FBXO10: variants seen among roughly 807,000 people sequenced by gnomAD.
The protein encoded by FBXO10 is F-box protein 10, also known as F-box only protein 10.
A neutral mutation model predicts 80.7 loss-of-function variants in FBXO10; 39 were observed. The ratio of observed to expected loss-of-function variants is 0.48; its 90% confidence interval spans 0.37 to 0.63. The LOEUF is 0.63. Ranked by LOEUF, FBXO10 falls within the 30% of genes least tolerant of loss-of-function variation. The pLI is 0.00. For synonymous variants in FBXO10, 449 were observed against 489.6 expected, an observed-to-expected ratio of 0.92 and a Z score of 1.09; for missense variants, 1,025 against 1,269.0, an observed-to-expected ratio of 0.81 and a Z score of 2.92.
At chr9:37,519,315 C>T (rs956288740) in intron 8 of FBXO10, among the ~76,000 whole-genome samples, 2 of 152,276 alleles carry the variant, frequency 1.3e-5, no homozygotes, top group African/African-American at 2.4e-5. Context: ...GGAAAACTGA[C>T]GCTTGCGGTT....
In FBXO10 at chr9:37,518,256, G is replaced by C. The variant is rs574814970; in HGVS notation, c.2383C>G (p.Arg795Gly). 6.2e-7 allele frequency: 1 copy of C among 1,614,026 alleles called. No homozygotes were observed. The highest frequency in any genetic ancestry group is 8.5e-7 in the Non-Finnish European group (1 of 1,179,900). The change falls in exon 9 of 11, where the codon CGG becomes GGG. Residue 795 changes from arginine to glycine, a missense_variant. By Grantham distance (125) the Arg-to-Gly change is moderately radical. Around this residue, in one of 3 missense-constraint regions of FBXO10, gnomAD observed 478 missense variants for 667.8 expected, o/e 0.72. Coordinates refer to ENST00000432825, the MANE Select transcript of FBXO10 (RefSeq NM_012166.3). The stretch of plus-strand genomic sequence containing the variant: ...CTGTTGTCATAGATACCATTGCCCC[G>C]GAGCTCCACTTTGCACTGGGCCTCA... ...KVEAQCKVELRGNGIYDNRGH... is the reference protein window; with the variant it reads ...KVEAQCKVELGGNGIYDNRGH...
In FBXO10 at chr9:37,521,579, A is replaced by T; in HGVS notation, c.2190T>A (p.Asn730Lys). 1 of 1,610,972 alleles carries T rather than the reference A, an allele frequency of 6.2e-7. No homozygotes were observed. Among genetic ancestry groups the T allele is most frequent in the South Asian group, 1.1e-5 (1 of 90,400 alleles). Residue 730 changes from asparagine to lysine, a missense_variant, in exon 8 of 11, where the codon AAT (asparagine) becomes AAA (lysine). Asn to Lys is a moderately conservative substitution (Grantham distance 94). Coordinates refer to ENST00000432825, the MANE Select transcript of FBXO10 (RefSeq NM_012166.3). The stretch of plus-strand genomic sequence containing the variant: ...AGGGGGTATACTCACCTCCATTGTG[A>T]TTAATACTGTTAGACTCAACAAGAG... ...TIALVESNSI[N>K]HNGASGLYVQ...
intron 1 of FBXO10, among the ~76,000 whole-genome samples, chr9:37,563,985 C>T (rs1039970152): frequency 6.6e-6 from 1 of 152,234 alleles, no homozygotes; most frequent in African/African-American, 2.4e-5. Context: ...GCAGCCCCTC[C>T]CATCACAGGC....
At chr9:37,542,198 G>T (rs1224228813) in intron 1 of FBXO10, among the ~76,000 whole-genome samples, 2 of 152,174 alleles carry the variant, frequency 1.3e-5, no homozygotes, top group African/African-American at 4.8e-5. Flanking sequence ...ACAAGGCTCA[G>T]CCAGTCAGAG....
At chr9:37,546,178 A>T (rs992010827) in intron 1 of FBXO10, among the ~76,000 whole-genome samples, 1 of 151,914 alleles carries the variant, frequency 6.6e-6, no homozygotes, top group African/African-American at 2.4e-5. Context: ...GAAAGAAAGG[A>T]AACATAGGAG....
chr9:37,516,988 G>GTA lies in FBXO10; in HGVS notation c.2515-905_2515-904dup, dbSNP rs536043515. ...AAAAAAAAAAAACAAAAAAAAGGTGGTATATATATACCACAGAATACTACT... is the reference window on the plus strand; with the variant it reads ...AAAAAAAAAAAACAAAAAAAAGGTGGTATATATATATACCACAGAATACTACT... On this transcript the variant is annotated intron_variant, in intron 9 of 10. Transcript: ENST00000432825. Among the ~76,000 whole-genome samples the GTA allele has an allele frequency of 3.9e-4, 59 of 151,518 alleles. No individual in the cohort carries two copies. The East Asian group carries it at 0.011, about 27-fold the overall frequency.
chr9:37,553,689 A>G (rs1195556418), intron 1 of FBXO10, among the ~76,000 whole-genome samples: 1 of 151,042 alleles, frequency 6.6e-6, no homozygotes, highest in African/African-American at 2.4e-5. Flanking sequence ...GCAGATCACC[A>G]GAGGTCGGGA....
At chr9:37,563,661 CA>C in intron 1 of FBXO10, among the ~76,000 whole-genome samples, 1 of 152,336 alleles carries the variant, frequency 6.6e-6, no homozygotes, top group South Asian at 2.1e-4. Flanking sequence ...AAGAGACTCA[CA>C]GCATTTTGTC....
intron 8 of FBXO10, among the ~76,000 whole-genome samples, chr9:37,520,313 CTTT>C (rs11309075): frequency 1.8e-5 from 2 of 110,940 alleles, no homozygotes; most frequent in African/African-American, 3.6e-5. Context: ...CTTCTACCAT[CTTT>C]TTTTTTTTTT....
rs1210135984 is a variant in FBXO10 at position 37,512,708 on chromosome 9, G to A, written c.2710C>T (p.Arg904Cys). The A allele has an allele frequency of 1.4e-5, 22 of 1,613,546 alleles. No homozygotes were observed. Among genetic ancestry groups the A allele is most frequent in the African/African-American group, 6.7e-5 (5 of 74,930 alleles). The change falls in exon 11 of 11, where the codon CGC becomes TGC. Residue 904 changes from arginine to cysteine, a missense_variant. Arg to Cys is a radical substitution (Grantham distance 180, BLOSUM62 -3). This residue lies in a region of FBXO10 where 97 missense variants were observed against 101.8 expected (regional missense o/e 0.95). Transcript: ENST00000432825. ...LVFKKKSDTW[R>C]LVNPPARPHL... Reference sequence around the variant, plus strand: ...GGCCGTGCTGGTGGGTTCACCAGGCGCCACGTATCAGACCTGGAGGTGCAA... The same window carrying A: ...GGCCGTGCTGGTGGGTTCACCAGGCACCACGTATCAGACCTGGAGGTGCAA...
At chr9:37,552,145 C>G (rs926614321) in intron 1 of FBXO10, among the ~76,000 whole-genome samples, 4 of 152,214 alleles carry the variant, frequency 2.6e-5, no homozygotes, top group African/African-American at 4.8e-5. Flanking sequence ...CAAGGCTTCT[C>G]CTATATCCCT....
intron 3 of FBXO10, among the ~76,000 whole-genome samples, chr9:37,532,756 G>A (rs750323806): frequency 7.9e-5 from 12 of 152,238 alleles, no homozygotes; most frequent in Admixed American, 2.0e-4. Context: ...CTTAGGGGAA[G>A]ATGGGACTGA....
rs550415330 is a variant in FBXO10 at position 37,512,712 on chromosome 9, C to A, written c.2706G>T (p.Thr902=). The change falls in exon 11 of 11, where the codon ACG becomes ACT. Residue 902 remains threonine, a synonymous_variant. Coordinates refer to ENST00000432825, the MANE Select transcript of FBXO10 (RefSeq NM_012166.3). ...GTGCTGGTGGGTTCACCAGGCGCCA[C>A]GTATCAGACCTGGAGGTGCAAAACG... is the stretch of plus-strand genomic sequence containing the variant. The part of the protein sequence containing the change: ...KFLVFKKKSD[T]WRLVNPPARP... 3 of 1,613,284 alleles carry A rather than the reference C, an allele frequency of 1.9e-6. No homozygotes were observed. In the African/African-American group the frequency reaches 4.0e-5, roughly 22 times the overall value.
chr9:37,568,681 G>T (rs1822670699), intron 1 of FBXO10, among the ~76,000 whole-genome samples: 1 of 152,060 alleles, frequency 6.6e-6, no homozygotes, highest in African/African-American at 2.4e-5. Flanking sequence ...TGTGGTCTAA[G>T]GTCGGAGTTC....
In FBXO10 at chr9:37,537,137, G is replaced by C. The variant is rs1273895302; in HGVS notation, c.1392C>G (p.Tyr464Ter). 1 of 1,613,378 alleles carries C rather than the reference G, an allele frequency of 6.2e-7. No individual in the cohort carries two copies. The highest frequency in any genetic ancestry group is 1.3e-5 in the African/African-American group (1 of 75,062). The change falls in exon 3 of 11, where the codon TAC (tyrosine) becomes TAG (stop). Residue 464 changes from tyrosine (Y) to a stop codon, truncating the protein, a stop_gained. Coordinates refer to ENST00000432825, the MANE Select transcript of FBXO10 (RefSeq NM_012166.3). LOFTEE classifies it high-confidence loss of function. The part of the protein sequence containing the change: ...MEGNIFRNLT[Y>*]AVRCIHNSKI... ...TGCTATTATGTATACACCGCACTGC[G>C]TAAGTCAGGTTCCGGAAGATGTTTC...
chr9:37,521,217 G>A (rs891702318), intron 8 of FBXO10, among the ~76,000 whole-genome samples: 21 of 152,344 alleles, frequency 1.4e-4, no homozygotes, highest in African/African-American at 4.8e-4. Context: ...GCCCTGCCTG[G>A]CGGCCGCACC....
chr9:37,573,215 G>A (rs1202981692), intron 1 of FBXO10, among the ~76,000 whole-genome samples: 1 of 152,180 alleles, frequency 6.6e-6, no homozygotes, highest in Non-Finnish European at 1.5e-5. Flanking sequence ...TAAGAAGTTT[G>A]AAAACAGAGA....
At chr9:37,524,333 A>T (rs145965865) in intron 6 of FBXO10, among the ~76,000 whole-genome samples, 1 of 152,140 alleles carries the variant, frequency 6.6e-6, no homozygotes, top group Non-Finnish European at 1.5e-5. Context: ...TCATATACGT[A>T]GGCTTTTATT....
At chr9:37,561,155 A>G (rs931964932) in intron 1 of FBXO10, among the ~76,000 whole-genome samples, 1 of 150,046 alleles carries the variant, frequency 6.7e-6, no homozygotes, top group Non-Finnish European at 1.5e-5. Context: ...AAAACAAAAC[A>G]AAACAAAACA....
Sources: allele counts gnomAD v4.1 joint callset (sites outside exome capture counted in the v4.1 genomes callset), GRCh38; gene constraint gnomAD v4.1.1; regional missense constraint gnomAD v4.1.1; transcripts MANE v1.5; gene names NCBI Gene and HGNC (gene_info 2026-07-23, HGNC 2026-07-21).